Variants in THTPA observed in about 807,000 individuals in gnomAD.
The protein encoded by THTPA is thiamine-triphosphatase.
In THTPA, 16 loss-of-function variants were observed where a neutral mutation model predicts 16.5. The ratio of observed to expected loss-of-function variants is 0.97; its 90% CI spans 0.66 to 1.47. The LOEUF is 1.47. THTPA is among the 40% of genes most tolerant of loss of function. The pLI, the probability that THTPA is intolerant of heterozygous loss-of-function variation, is 0.00. For missense variants in THTPA, 281 were observed against 280.9 expected (o/e 1.00, Z 0.00); for synonymous variants, 110 against 115.5 (o/e 0.95, Z 0.30).
chr14:23,555,180 G>A (rs576495632), upstream of THTPA, among the ~76,000 whole-genome samples: 11 of 151,988 alleles, frequency 7.2e-5, no homozygotes, highest in East Asian at 1.9e-3. Flanking sequence ...TAGAGACGGC[G>A]GGCCGGGGGG....
chr14:23,524,375 C>T, the THTPA span: 5 of 1,536,232 alleles, frequency 3.3e-6, no homozygotes, highest in Non-Finnish European at 4.4e-6. The surrounding 1 kb of genome is among the most constrained non-coding windows in gnomAD (Gnocchi z 5.6). Flanking sequence ...GCGCTTGTCC[C>T]TGGGGGGCTC....
At chr14:23,531,724 A>T in the THTPA span, 22 of 1,339,562 alleles carry the variant, frequency 1.6e-5, no homozygotes, top group Non-Finnish European at 2.0e-5. Flanking sequence ...AGCAGAAACT[A>T]GAACCATGGG....
the THTPA span, chr14:23,529,664 A>T: frequency 3.4e-5 from 51 of 1,508,974 alleles, no homozygotes; most frequent in South Asian, 6.1e-4. Context: ...GATCTCAGTA[A>T]AGCCAGGCCC....
chr14:23,540,313 C>G, the THTPA span, among the ~76,000 whole-genome samples: 1 of 152,314 alleles, frequency 6.6e-6, no homozygotes, highest in South Asian at 2.1e-4. Context: ...TTGCCTTTCA[C>G]TTTTCTAATT....
chr14:23,556,786 G>T lies in THTPA; in HGVS notation c.29G>T (p.Arg10Leu), dbSNP rs754103005. 76 of 1,613,414 alleles carry T rather than the reference G, an allele frequency of 4.7e-5. No individual in the cohort carries two copies. Among genetic ancestry groups the T allele is most frequent in the Non-Finnish European group, 6.2e-5 (73 of 1,179,758 alleles). The change falls in exon 1 of 2, where the codon CGA (arginine) becomes CTA (leucine). Residue 10 changes from arginine to leucine, a missense_variant. Arg to Leu is a moderately radical substitution (Grantham distance 102, BLOSUM62 -2). Transcript: ENST00000288014. MAQGLIEVE[R>L]KFLPGPGTEE... The stretch of plus-strand genomic sequence containing the variant: ...GCCCAGGGCTTGATTGAGGTGGAGC[G>T]AAAGTTCCTTCCAGGGCCTGGCACA...
Position 23,558,709 on chromosome 14 carries a change from G to A in THTPA, c.562G>A (p.Glu188Lys). 6.2e-7 allele frequency: 1 copy of A among 1,614,208 alleles called. No individual in the cohort carries two copies. The highest frequency in any genetic ancestry group is 8.5e-7 in the Non-Finnish European group (1 of 1,180,050). Residue 188 changes from glutamate (E) to lysine (K), a missense_variant, in exon 2 of 2, where the codon GAG becomes AAG. Physicochemically the swap from Glu to Lys is moderately conservative, Grantham distance 56. Coordinates refer to ENST00000288014, the MANE Select transcript of THTPA (RefSeq NM_024328.6). Reference protein sequence around the residue: ...LSSMLGVPAQETAPAKLIVYL... With the variant: ...LSSMLGVPAQKTAPAKLIVYL... ...TTTACCTGTAGGTGTGCCTGCACAGGAGACAGCACCAGCCAAGCTGATTGT... is the reference window on the plus strand; with the variant it reads ...TTTACCTGTAGGTGTGCCTGCACAGAAGACAGCACCAGCCAAGCTGATTGT...
the THTPA span, among the ~76,000 whole-genome samples, chr14:23,546,403 T>C: frequency 6.6e-6 from 1 of 152,082 alleles, no homozygotes; most frequent in Non-Finnish European, 1.5e-5. This position sits in a 1 kb window ranked among gnomAD's most constrained non-coding sequence, Gnocchi z 4.7. Context: ...GAAAAATATA[T>C]CTTCCTCCAG....
the THTPA span, among the ~76,000 whole-genome samples, chr14:23,538,856 G>A: frequency 6.6e-6 from 1 of 152,100 alleles, no homozygotes; most frequent in Non-Finnish European, 1.5e-5. Context: ...AGGCAGTGGC[G>A]GTGCTGTGAT....
the THTPA span, among the ~76,000 whole-genome samples, chr14:23,540,338 C>T: frequency 6.6e-6 from 1 of 152,220 alleles, no homozygotes; most frequent in African/African-American, 2.4e-5. Flanking sequence ...AATCTACCCA[C>T]TTTCCCTTAG....
chr14:23,533,908 C>T, the THTPA span: 27 of 1,537,890 alleles, frequency 1.8e-5, no homozygotes, highest in South Asian at 2.0e-4. This position sits in a 1 kb window ranked among gnomAD's most constrained non-coding sequence, Gnocchi z 4.8. Context: ...GTGCTTCTCT[C>T]GCATGTGCAC....
At chr14:23,524,964 T>C in the THTPA span, 6 of 1,536,262 alleles carry the variant, frequency 3.9e-6, no homozygotes, top group Admixed American at 5.9e-5. This position sits in a 1 kb window ranked among gnomAD's most constrained non-coding sequence, Gnocchi z 5.6. Flanking sequence ...CCGGTTGGCA[T>C]GGACCCACCC....
chr14:23,526,202 G>A, the THTPA span: 45 of 1,536,428 alleles, frequency 2.9e-5, no homozygotes, highest in Admixed American at 3.9e-5. Flanking sequence ...GCACTTAAAG[G>A]GCTTGTCTGT....
At chr14:23,524,817 C>G in the THTPA span, 1 of 1,537,120 alleles carries the variant, frequency 6.5e-7, no homozygotes. This position sits in a 1 kb window ranked among gnomAD's most constrained non-coding sequence, Gnocchi z 5.6. Context: ...TCCTCCTCTT[C>G]CCCTCTCTCT....
At chr14:23,520,912 T>G in the THTPA span, 42 of 152,242 alleles carry the variant, frequency 2.8e-4, no homozygotes, top group East Asian at 8.1e-3. This position sits in a 1 kb window ranked among gnomAD's most constrained non-coding sequence, Gnocchi z 8.7. Context: ...TTTACGTTTT[T>G]CTTTAGTTCA....
At chr14:23,526,603 G>C in the THTPA span, 2 of 1,535,916 alleles carry the variant, frequency 1.3e-6, no homozygotes, top group Admixed American at 3.9e-5. Context: ...CTGAGGGTTT[G>C]TCTGGGACCT....
the THTPA span, chr14:23,514,565 T>TTCCTC: frequency 6.6e-6 from 1 of 152,252 alleles, no homozygotes; most frequent in Non-Finnish European, 1.5e-5. Flanking sequence ...CTTCGGTACC[T>TTCCTC]TCCTCTCCTC....
chr14:23,531,818 C>T, the THTPA span: 2 of 1,253,124 alleles, frequency 1.6e-6, no homozygotes, highest in East Asian at 6.2e-5. Context: ...TGCCCTGTTG[C>T]CCAGGCTGGA....
chr14:23,544,444 T>C, the THTPA span, among the ~76,000 whole-genome samples: 3 of 152,216 alleles, frequency 2.0e-5, no homozygotes, highest in African/African-American at 7.2e-5. Flanking sequence ...TGTTGTTTTT[T>C]GATTGTATGT....
chr14:23,525,301 A>G, the THTPA span: 1 of 1,535,980 alleles, frequency 6.5e-7, no homozygotes, highest in Non-Finnish European at 8.7e-7. This position sits in a 1 kb window ranked among gnomAD's most constrained non-coding sequence, Gnocchi z 5.9. Context: ...GTGGGCCCAG[A>G]TGGGGAACAG....
Sources: gnomAD v4.1 joint callset for allele counts (sites outside exome capture counted in the v4.1 genomes callset) on GRCh38, gnomAD v4.1.1 for gene constraint, Gnocchi (gnomAD v3.1) non-coding constraint, MANE v1.5 for transcripts, NCBI Gene and HGNC (gene_info 2026-07-23, HGNC 2026-07-21) for gene names.